The following CLASP1 variants were observed in gnomAD, a reference collection of about 807,000 sequenced individuals.
CLASP1 encodes the protein CLIP-associating protein 1.
Under a neutral mutation model 192.3 loss-of-function variants are expected in CLASP1, and 38 were observed. The observed-to-expected ratio is 0.20, with a 90% CI of 0.15 to 0.26. CLASP1 has a LOEUF of 0.26. CLASP1 is among the 10% of genes least tolerant of loss of function. The pLI is 1.00. For missense variants in CLASP1, 1,433 were observed against 1,932.5 expected, an observed-to-expected ratio of 0.74 and a Z score of 4.85; for synonymous variants, 691 against 712.8, an observed-to-expected ratio of 0.97 and a Z score of 0.49.
intron 32 of CLASP1, 58 bp downstream of exon 33, chr2:121,387,064 C>T (rs377538245): frequency 1.5e-6 from 2 of 1,349,340 alleles, no homozygotes; most frequent in African/African-American, 2.9e-5. Context: ...ATAGGATGCA[C>T]AGCAATTAAG....
intron 1 of CLASP1, among the ~76,000 whole-genome samples, chr2:121,646,945 G>T (rs759089566): frequency 1.3e-5 from 2 of 150,950 alleles, no homozygotes; most frequent in African/African-American, 4.9e-5. Context: ...GAGGCTGAGG[G>T]AGGAGAATGG....
chr2:121,637,941 A>G (rs550236899), intron 1 of CLASP1, among the ~76,000 whole-genome samples: 2 of 152,288 alleles, frequency 1.3e-5, no homozygotes, highest in East Asian at 3.9e-4. Flanking sequence ...TTCCTGTAAG[A>G]GATAACTTTA....
At chr2:121,367,506 A>G in intron 35 of CLASP1, 82 bp downstream of exon 36, 1 of 1,564,920 alleles carries the variant, frequency 6.4e-7, no homozygotes, top group Non-Finnish European at 8.7e-7. Flanking sequence ...ACATCTGACC[A>G]GTGGGCCTGG....
chr2:121,428,330 T>C (rs905859375), intron 20 of CLASP1, among the ~76,000 whole-genome samples: 4 of 152,180 alleles, frequency 2.6e-5, no homozygotes, highest in South Asian at 4.1e-4. Flanking sequence ...GAAAGAAATA[T>C]GTAAAATACT....
chr2:121,456,310 G>A (rs1295095884), intron 14 of CLASP1, among the ~76,000 whole-genome samples: 5 of 150,632 alleles, frequency 3.3e-5, no homozygotes, highest in African/African-American at 1.2e-4. Context: ...GATCATCCTT[G>A]GGCAACATAA....
chr2:121,493,819 C>T (rs1331309167), intron 8 of CLASP1, among the ~76,000 whole-genome samples: 3 of 151,976 alleles, frequency 2.0e-5, no homozygotes, highest in Non-Finnish European at 4.4e-5. Context: ...AGAAGACACA[C>T]AAATGGCAAA....
At chr2:121,641,889 C>G (rs895489413) in intron 1 of CLASP1, among the ~76,000 whole-genome samples, 4 of 152,034 alleles carry the variant, frequency 2.6e-5, no homozygotes, top group African/African-American at 9.7e-5. Flanking sequence ...GCTGGATGTG[C>G]TGGTGTGCAC....
At chr2:121,408,160 A>G (rs1259789531) in intron 24 of CLASP1, among the ~76,000 whole-genome samples, 2 of 152,274 alleles carry the variant, frequency 1.3e-5, no homozygotes, top group Admixed American at 6.5e-5. Flanking sequence ...CAATGCAAAT[A>G]TGTGCAGCCA....
chr2:121,617,432 A>T (rs2066647195), intron 1 of CLASP1, among the ~76,000 whole-genome samples: 1 of 152,122 alleles, frequency 6.6e-6, no homozygotes, highest in Admixed American at 6.5e-5. Flanking sequence ...TCAACAGTGA[A>T]GCTTCTTTAA....
intron 8 of CLASP1, among the ~76,000 whole-genome samples, chr2:121,475,917 C>T (rs2091543842): frequency 1.3e-5 from 2 of 152,134 alleles, no homozygotes; most frequent in South Asian, 4.1e-4. Context: ...GCAAGCATCA[C>T]CTCCTTTGAT....
intron 2 of CLASP1, among the ~76,000 whole-genome samples, chr2:121,548,900 T>TA (rs1231139789): frequency 6.6e-6 from 1 of 152,188 alleles, no homozygotes; most frequent in Admixed American, 6.5e-5. Flanking sequence ...AGACCTGCCT[T>TA]ACAAGAGATC....
chr2:121,552,293 T>C (rs2058110335), intron 2 of CLASP1, among the ~76,000 whole-genome samples: 1 of 152,212 alleles, frequency 6.6e-6, no homozygotes, highest in Admixed American at 6.5e-5. Flanking sequence ...AAAGTTTTCA[T>C]GACAAAGACA....
At chr2:121,367,654 T>G (rs373849955) in exon 35 of CLASP1, 8 of 1,613,896 alleles carry the variant, frequency 5.0e-6, no homozygotes, top group Non-Finnish European at 6.8e-6. Flanking sequence ...TCGTAGGTGT[T>G]GATGGCATCT....
intron 35 of CLASP1, among the ~76,000 whole-genome samples, chr2:121,366,855 A>AAT (rs2067505636): frequency 1.3e-5 from 2 of 152,214 alleles, no homozygotes; most frequent in African/African-American, 4.8e-5. Context: ...CCATTGTACA[A>AAT]ATACATACTC....
intron 7 of CLASP1, among the ~76,000 whole-genome samples, chr2:121,509,374 A>G (rs146952048): frequency 7.2e-5 from 11 of 152,210 alleles, no homozygotes; most frequent in African/African-American, 2.6e-4. Context: ...ACGGGGTCTC[A>G]TGTTGCCCAG....
chr2:121,348,219 A>G (rs995870672), intron 38 of CLASP1, among the ~76,000 whole-genome samples: 1 of 152,186 alleles, frequency 6.6e-6, no homozygotes, highest in African/African-American at 2.4e-5. Context: ...CAGGTGTGCA[A>G]TAAGGGTTTG....
intron 14 of CLASP1, among the ~76,000 whole-genome samples, chr2:121,452,713 C>A (rs2085747979): frequency 6.6e-6 from 1 of 152,104 alleles, no homozygotes; most frequent in Non-Finnish European, 1.5e-5. Flanking sequence ...ATCACTTGAA[C>A]CCGGGAGGCA....
Position 121,597,083 on chromosome 2 carries a change from G to T in CLASP1, c.195+8618C>A, listed in dbSNP as rs965763283. Among the ~76,000 whole-genome samples, 30 of 152,164 alleles carry T rather than the reference G, an allele frequency of 2.0e-4. 1 individual carries two copies. The highest frequency in any genetic ancestry group is 7.2e-4 in the African/African-American group (30 of 41,428). On this transcript the variant is annotated intron_variant, in intron 2 of 39. Transcript: ENST00000263710. ...TACCCAGTTTTTCCCTACTGTGTAA[G>T]TACAGCAACTGGCACATCATACGTG...
chr2:121,389,215 A>G (rs1156658058), intron 30 of CLASP1, among the ~76,000 whole-genome samples: 1 of 152,188 alleles, frequency 6.6e-6, no homozygotes, highest in African/African-American at 2.4e-5. Context: ...CTTTAATTTC[A>G]AATACAGTCA....
Sources: gnomAD v4.1 joint callset for allele counts (sites outside exome capture counted in the v4.1 genomes callset) on GRCh38, gnomAD v4.1.1 for gene constraint, MANE v1.5 for transcripts, NCBI Gene and HGNC (gene_info 2026-07-23, HGNC 2026-07-21) for gene names.